HSPA12A: variants seen among roughly 807,000 people sequenced by gnomAD.
HSPA12A encodes heat shock 70 kDa protein 12A.
In HSPA12A, 28 loss-of-function variants were observed where a neutral mutation model predicts 69.2. The ratio of observed to expected loss-of-function variants is 0.40; its 90% CI spans 0.30 to 0.55. The LOEUF is 0.55. HSPA12A is among the 20% of genes least tolerant of loss of function. The pLI is 0.38. For synonymous variants in HSPA12A, 345 were observed against 370.5 expected, an observed-to-expected ratio of 0.93 and a Z score of 0.79; for missense variants, 686 against 900.7, an observed-to-expected ratio of 0.76 and a Z score of 3.05.
intron 1 of HSPA12A, among the ~76,000 whole-genome samples, chr10:116,741,725 C>G (rs1005922080): frequency 2.6e-5 from 4 of 152,188 alleles, no homozygotes; most frequent in Non-Finnish European, 5.9e-5. Flanking sequence ...GAAAGCGGCC[C>G]TAGCACATCT....
chr10:116,781,358 A>G (rs1029718554), intron 2 of HSPA12A, among the ~76,000 whole-genome samples: 2 of 147,390 alleles, frequency 1.4e-5, no homozygotes, highest in African/African-American at 5.4e-5. Flanking sequence ...ATCAGTGCCA[A>G]TGATGATGAT....
intron 6 of HSPA12A, among the ~76,000 whole-genome samples, chr10:116,687,781 C>T (rs1849617224): frequency 6.6e-6 from 1 of 152,204 alleles, no homozygotes; most frequent in African/African-American, 2.4e-5. Flanking sequence ...GCTAATTCTG[C>T]CTTCAGAGAA....
At chr10:116,709,950 G>C (rs747280889) in intron 1 of HSPA12A, among the ~76,000 whole-genome samples, 1 of 152,148 alleles carries the variant, frequency 6.6e-6, no homozygotes, top group Non-Finnish European at 1.5e-5. Flanking sequence ...TAGCACCCAC[G>C]ACTAACAGAA....
intron 2 of HSPA12A, among the ~76,000 whole-genome samples, chr10:116,824,916 G>A (rs889398712): frequency 5.9e-5 from 9 of 151,624 alleles, no homozygotes; most frequent in Admixed American, 1.3e-4. Context: ...ACAGGCATAA[G>A]CCACAGTACC....
At chr10:116,770,787 C>T (rs1454663371) in intron 2 of HSPA12A, among the ~76,000 whole-genome samples, 1 of 152,212 alleles carries the variant, frequency 6.6e-6, no homozygotes, top group Non-Finnish European at 1.5e-5. Context: ...GGGGCCCAGC[C>T]TCCCCTCACC....
chr10:116,694,035 A>C (rs1156673528), intron 5 of HSPA12A, among the ~76,000 whole-genome samples: 3 of 152,222 alleles, frequency 2.0e-5, no homozygotes, highest in Non-Finnish European at 2.9e-5. Flanking sequence ...ACCCATTACC[A>C]GGCAGGTGAT....
chr10:116,774,437 C>T (rs1317944613), intron 2 of HSPA12A, among the ~76,000 whole-genome samples: 1 of 152,184 alleles, frequency 6.6e-6, no homozygotes, highest in Non-Finnish European at 1.5e-5. Flanking sequence ...CTCTTGGGCA[C>T]TTAATAGAAA....
intron 3 of HSPA12A, among the ~76,000 whole-genome samples, chr10:116,703,238 T>C (rs1850132533): frequency 6.6e-6 from 1 of 152,248 alleles, no homozygotes; most frequent in South Asian, 2.1e-4. Flanking sequence ...GGAGTGTCTG[T>C]ACCCTCTTAG....
At chr10:116,764,390 T>C (rs1402975399) in intron 2 of HSPA12A, among the ~76,000 whole-genome samples, 3 of 152,192 alleles carry the variant, frequency 2.0e-5, no homozygotes, top group Non-Finnish European at 4.4e-5. Context: ...TGAAATTCTA[T>C]GCAGTCATAG....
chr10:116,748,006 A>T (rs986872776), intron 2 of HSPA12A, among the ~76,000 whole-genome samples: 1 of 152,214 alleles, frequency 6.6e-6, no homozygotes, highest in Non-Finnish European at 1.5e-5. Context: ...TCTCAAAAAA[A>T]TAAAAAATAA....
At chr10:116,726,027 G>GCGTGCACACA (rs140160132) in intron 1 of HSPA12A, among the ~76,000 whole-genome samples, 3 of 146,114 alleles carry the variant, frequency 2.1e-5, no homozygotes, top group Admixed American at 6.8e-5. Flanking sequence ...ACACACACAC[G>GCGTGCACACA]CACACACACA....
intron 1 of HSPA12A, among the ~76,000 whole-genome samples, chr10:116,733,045 G>T (rs1554886027): frequency 1.3e-5 from 2 of 152,140 alleles, no homozygotes; most frequent in East Asian, 1.9e-4. Context: ...TTTTCTAACT[G>T]CTGGCCCAGG....
chr10:116,806,463 TC>T (rs1418471430), intron 2 of HSPA12A, among the ~76,000 whole-genome samples: 3 of 152,104 alleles, frequency 2.0e-5, no homozygotes, highest in African/African-American at 7.2e-5. Context: ...CACCTCGGCC[TC>T]CCAAAGTGCT....
At chr10:116,822,338 T>C (rs1400516181) in intron 2 of HSPA12A, among the ~76,000 whole-genome samples, 2 of 152,236 alleles carry the variant, frequency 1.3e-5, no homozygotes, top group Non-Finnish European at 2.9e-5. Context: ...TCTCTCATGA[T>C]AAGAGAACAA....
chr10:116,750,390 A>C, intron 2 of HSPA12A: 1 of 708,884 alleles, frequency 1.4e-6, no homozygotes, highest in South Asian at 1.4e-5. Flanking sequence ...GGGGGCCTTG[A>C]AGGGAGCACA....
chr10:116,705,787 C>T (rs953446823), intron 2 of HSPA12A, among the ~76,000 whole-genome samples: 1 of 152,194 alleles, frequency 6.6e-6, no homozygotes, highest in African/African-American at 2.4e-5. Flanking sequence ...TGTCCAATCC[C>T]ACCAGGCCAG....
rs1390989437 is a variant in HSPA12A, at chr10:116,723,905, G to A, written c.41-16620C>T. Among the ~76,000 whole-genome samples the A allele has an allele frequency of 2.6e-5, 4 of 152,200 alleles. No individual in the cohort carries two copies. The highest frequency in any genetic ancestry group is 5.9e-5 in the Non-Finnish European group (4 of 68,040). ...CCTGAGGGCCCCTGACCATACCCCA[G>A]TAGCTGAGGCCAGCGGGTCACCTGT... On this transcript the variant is annotated intron_variant, in intron 1 of 11. Coordinates refer to ENST00000369209, the MANE Select transcript of HSPA12A (RefSeq NM_025015.3). The surrounding 1 kb of genome is among the most constrained non-coding windows in gnomAD (Gnocchi z 4.1).
intron 2 of HSPA12A, among the ~76,000 whole-genome samples, chr10:116,812,929 C>T (rs554152839): frequency 2.0e-5 from 3 of 152,152 alleles, no homozygotes; most frequent in Non-Finnish European, 4.4e-5. Flanking sequence ...CAACACACTC[C>T]CACTTTCCAC....
At chr10:116,736,738 C>T (rs970698952) in intron 1 of HSPA12A, among the ~76,000 whole-genome samples, 29 of 152,082 alleles carry the variant, frequency 1.9e-4, no homozygotes, top group African/African-American at 6.8e-4. Context: ...ATGGATTATC[C>T]CCTAGAGCCT....
Sources: allele counts gnomAD v4.1 joint callset (sites outside exome capture counted in the v4.1 genomes callset), GRCh38; gene constraint gnomAD v4.1.1; non-coding constraint Gnocchi (gnomAD v3.1); transcripts MANE v1.5; gene names NCBI Gene and HGNC (gene_info 2026-07-23, HGNC 2026-07-21).